DAB2IP: variants seen among roughly 807,000 people sequenced by gnomAD.
DAB2IP encodes the protein disabled homolog 2-interacting protein.
DAB2IP carries 28 observed loss-of-function variants against 107.2 expected under a neutral mutation model. That is an observed-to-expected ratio of 0.26 (90% CI 0.19 to 0.36). The LOEUF is 0.36. Ranked by LOEUF, DAB2IP falls within the 10% of genes least tolerant of loss-of-function variation. The pLI is 1.00. For missense variants in DAB2IP, 1,400 were observed against 1,644.7 expected, an observed-to-expected ratio of 0.85 and a Z score of 2.57; for synonymous variants, 755 against 706.4, an observed-to-expected ratio of 1.07 and a Z score of -1.09.
chr9:121,641,317 A>G (rs1832278715), intron 1 of DAB2IP, among the ~76,000 whole-genome samples: 1 of 152,146 alleles, frequency 6.6e-6, no homozygotes, highest in African/African-American at 2.4e-5. Flanking sequence ...ATTCCCACCT[A>G]CCTGGTCTTA....
chr9:121,651,652 G>C lies in DAB2IP; in HGVS notation c.-124G>C, dbSNP rs929744808. 9 of 1,076,352 alleles carry C rather than the reference G, an allele frequency of 8.4e-6. No individual in the cohort carries two copies. The highest frequency in any genetic ancestry group is 9.0e-6 in the Non-Finnish European group (8 of 890,500). 66.7% of individuals were successfully genotyped at this position (1,076,352 alleles called of 1,614,324 possible). A position where few individuals can be genotyped will look rare whatever the true frequency, so the allele number is the denominator to read the frequency against. On this transcript the variant is annotated 5_prime_UTR_variant, in exon 1 of 16. Transcript: ENST00000408936. This position sits in a 1 kb window ranked among gnomAD's most constrained non-coding sequence, Gnocchi z 5.1. Reference sequence around the variant, plus strand: ...TTTGAGCGACTTTGTGGGGCAGCCAGGGCCTCGGCGGCCGCTCGGGCGAGC... The same window carrying C: ...TTTGAGCGACTTTGTGGGGCAGCCACGGCCTCGGCGGCCGCTCGGGCGAGC...
chr9:121,783,518 T>C (rs1376547044), exon 16 of DAB2IP: 1 of 1,613,896 alleles, frequency 6.2e-7, no homozygotes, highest in Admixed American at 1.7e-5. Context: ...ATAACTGTGA[T>C]TTTTTTTCCT....
At chr9:121,704,416 G>A (rs184128805) in intron 3 of DAB2IP, among the ~76,000 whole-genome samples, 5 of 152,294 alleles carry the variant, frequency 3.3e-5, no homozygotes, top group Admixed American at 6.5e-5. Context: ...TTTGCTTGTT[G>A]GTGATCGAAT....
At position 121,776,408 on chromosome 9, in the gene DAB2IP, C is replaced by T; in HGVS notation, c.3314+17C>T. 1 of 1,504,490 alleles carries T rather than the reference C, an allele frequency of 6.6e-7. No individual in the cohort carries two copies. Among genetic ancestry groups the T allele is most frequent in the Non-Finnish European group, 8.9e-7 (1 of 1,126,412 alleles). 93.2% of individuals were successfully genotyped at this position (1,504,490 alleles called of 1,614,324 possible). A position where few individuals can be genotyped will look rare whatever the true frequency, so the allele number is the denominator to read the frequency against. ...CATCAGCAGGTGGGGCCCACACCTG[C>T]CTGGCCTGGCCACAGGCACAGGCAG... On this transcript the variant is annotated intron_variant, in intron 14 of 15. Coordinates refer to ENST00000408936, the Ensembl canonical transcript of DAB2IP. This position sits in a 1 kb window ranked among gnomAD's most constrained non-coding sequence, Gnocchi z 5.4.
At chr9:121,667,194 T>G (rs72764056) in intron 1 of DAB2IP, among the ~76,000 whole-genome samples, 12,836 of 152,186 alleles carry the variant, frequency 0.084, 995 homozygotes, top group African/African-American at 0.21. Context: ...GTCTTTTTAG[T>G]AGAGACCAGG....
chr9:121,776,260 C>A lies in DAB2IP; in HGVS notation c.3183C>A (p.Thr1061=), dbSNP rs982483666. Residue 1061 remains threonine, a synonymous_variant, in exon 14 of 16, where the codon ACC becomes ACA. Transcript: ENST00000408936. The surrounding 1 kb of genome is among the most constrained non-coding windows in gnomAD (Gnocchi z 5.4). ...CCAAGAAGCTGGAGGAGTATGAGAC[C>A]CTGTTCAAGTGCCAGGAGGAGACGA... The A allele has an allele frequency of 1.9e-6, 3 of 1,585,934 alleles. No homozygotes were observed. In the African/African-American group the frequency reaches 4.0e-5, roughly 21 times the overall value.
intron 1 of DAB2IP, among the ~76,000 whole-genome samples, chr9:121,620,353 C>T (rs1032922647): frequency 7.2e-5 from 11 of 152,162 alleles, no homozygotes; most frequent in Non-Finnish European, 1.3e-4. Context: ...CTGACCGGTC[C>T]ACAAACGCCG....
rs994377382 is a variant in DAB2IP at position 121,599,453 on chromosome 9, G to C, written c.40+32225G>C. ...CTGCTCCCCGCCCGCGCTGGGTCCC[G>C]GGCCTGGCGGGCGGAGCTGTGGGCG... On this transcript the variant is annotated intron_variant, in intron 1 of 16. Coordinates refer to the DAB2IP transcript ENST00000259371. This position sits in a 1 kb window ranked among gnomAD's most constrained non-coding sequence, Gnocchi z 6.9. Among the ~76,000 whole-genome samples, 19 of 152,124 alleles carry C rather than the reference G, an allele frequency of 1.2e-4. No homozygotes were observed. The highest frequency in any genetic ancestry group is 4.1e-4 in the African/African-American group (17 of 41,544).
intron 1 of DAB2IP, among the ~76,000 whole-genome samples, chr9:121,607,738 A>G (rs1830932823): frequency 6.6e-6 from 1 of 152,186 alleles, no homozygotes; most frequent in Non-Finnish European, 1.5e-5. Flanking sequence ...CCTCTGGGTG[A>G]CCCTGGAGCA....
chr9:121,584,749 G>C (rs184516543), intron 1 of DAB2IP, among the ~76,000 whole-genome samples: 8 of 152,356 alleles, frequency 5.3e-5, no homozygotes, highest in Non-Finnish European at 7.3e-5. Context: ...GAAGCGGGGC[G>C]CAGAGTGGCT....
chr9:121,708,660 C>T (rs978485446), intron 3 of DAB2IP, among the ~76,000 whole-genome samples: 1 of 152,238 alleles, frequency 6.6e-6, no homozygotes, highest in African/African-American at 2.4e-5. Context: ...CACTGACTTC[C>T]TGGTTGCAGG....
At chr9:121,728,145 G>A (rs750761872) in intron 3 of DAB2IP, among the ~76,000 whole-genome samples, 3 of 152,152 alleles carry the variant, frequency 2.0e-5, no homozygotes, top group Non-Finnish European at 4.4e-5. Context: ...CGATCCCAGG[G>A]CAGGAGGCCC....
chr9:121,750,048 G>A (rs550105126), intron 3 of DAB2IP, among the ~76,000 whole-genome samples: 1 of 152,316 alleles, frequency 6.6e-6, no homozygotes, highest in South Asian at 2.1e-4. Context: ...AGCAATGGAT[G>A]GGAGTCACTG....
intron 11 of DAB2IP, among the ~76,000 whole-genome samples, chr9:121,771,475 A>G (rs1394379967): frequency 2.0e-5 from 3 of 152,106 alleles, no homozygotes; most frequent in African/African-American, 7.2e-5. Context: ...GAGGGTGCTG[A>G]GATCAAGAAC....
chr9:121,600,321 G>T (rs1213923777), intron 1 of DAB2IP, among the ~76,000 whole-genome samples: 1 of 152,162 alleles, frequency 6.6e-6, no homozygotes, highest in Non-Finnish European at 1.5e-5. Context: ...TGGCAGGGCT[G>T]GGTCGTTGAA....
intron 3 of DAB2IP, among the ~76,000 whole-genome samples, chr9:121,755,885 T>C (rs1833443914): frequency 1.3e-5 from 2 of 151,748 alleles, no homozygotes; most frequent in Admixed American, 6.6e-5. Context: ...AAGGTAGGGG[T>C]CTTGGTTTGG....
chr9:121,700,589 A>G (rs991173994), intron 3 of DAB2IP, among the ~76,000 whole-genome samples: 1 of 152,096 alleles, frequency 6.6e-6, no homozygotes, highest in Non-Finnish European at 1.5e-5. Flanking sequence ...TAGCATGAAA[A>G]TGTCTCTCCC....
At chr9:121,637,329 C>G (rs976751804) in intron 1 of DAB2IP, among the ~76,000 whole-genome samples, 1 of 152,212 alleles carries the variant, frequency 6.6e-6, no homozygotes, top group Non-Finnish European at 1.5e-5. Flanking sequence ...AGCAAGCACC[C>G]GTGGAGTGGG....
At chr9:121,715,707 T>C (rs1830566635) in intron 3 of DAB2IP, among the ~76,000 whole-genome samples, 1 of 152,196 alleles carries the variant, frequency 6.6e-6, no homozygotes, top group East Asian at 1.9e-4. Flanking sequence ...GTGACTCCTC[T>C]TTCAAAAGGC....
Sources: allele counts gnomAD v4.1 joint callset (sites outside exome capture counted in the v4.1 genomes callset), GRCh38; gene constraint gnomAD v4.1.1; non-coding constraint Gnocchi (gnomAD v3.1); transcripts MANE v1.5; gene names NCBI Gene and HGNC (gene_info 2026-07-23, HGNC 2026-07-21).